Variants in CSMD3 observed in about 807,000 individuals in gnomAD.
The protein encoded by CSMD3 is CUB and sushi domain-containing protein 3.
A neutral mutation model predicts 435.2 loss-of-function variants in CSMD3; 177 were observed. The ratio of observed to expected loss-of-function variants is 0.41; its 90% CI spans 0.36 to 0.46. The LOEUF (loss-of-function observed/expected upper bound fraction) is 0.46, where lower values mean the gene tolerates loss of function less well. Among genes scored for constraint, CSMD3 ranks in the 20% least tolerant of loss-of-function variants. The probability of loss-of-function intolerance (pLI) is 0.34; values close to 1 mark genes in which losing one functional copy is unlikely to be tolerated. For missense variants in CSMD3, 4,265 were observed against 4,504.6 expected (o/e 0.95, Z 1.52); for synonymous variants, 1,656 against 1,520.5 (o/e 1.09, Z -2.07).
chr8:112,466,006 T>C (rs2130711691), intron 32 of CSMD3, among the ~76,000 whole-genome samples: 1 of 151,922 alleles, frequency 6.6e-6, no homozygotes, highest in Non-Finnish European at 1.5e-5. Context: ...CCTGTTCTTT[T>C]CGATTGCTCC....
chr8:112,627,933 A>C (rs535835969), intron 22 of CSMD3, among the ~76,000 whole-genome samples: 2 of 152,318 alleles, frequency 1.3e-5, no homozygotes, highest in Admixed American at 6.5e-5. Context: ...TACAGGTATC[A>C]AGTAAAATCA....
At chr8:112,753,121 A>T (rs2077613243) in intron 13 of CSMD3, among the ~76,000 whole-genome samples, 2 of 152,132 alleles carry the variant, frequency 1.3e-5, no homozygotes, top group Non-Finnish European at 2.9e-5. Flanking sequence ...TATTTATTTA[A>T]TTAACATATA....
chr8:112,557,374 T>C (rs1828214851), intron 24 of CSMD3, among the ~76,000 whole-genome samples: 1 of 151,966 alleles, frequency 6.6e-6, no homozygotes, highest in African/African-American at 2.4e-5. Flanking sequence ...CAGTTTTTGT[T>C]ACTTATCATA....
At chr8:112,887,434 A>G (rs1380141) in intron 10 of CSMD3, among the ~76,000 whole-genome samples, 118,251 of 150,918 alleles carry the variant, frequency 0.78, 46,896 homozygotes, top group East Asian at 0.93. Flanking sequence ...TATCTGCAAC[A>G]CGAATATATA....
At chr8:113,341,471 A>G (rs1022666427) in intron 1 of CSMD3, among the ~76,000 whole-genome samples, 4 of 152,190 alleles carry the variant, frequency 2.6e-5, no homozygotes, top group Admixed American at 6.5e-5. Context: ...CATGAGCTAG[A>G]TGCCACACAC....
Position 113,094,903 on chromosome 8 carries a change from C to T in CSMD3, c.917+3853G>A, listed in dbSNP as rs191032548. On this transcript the variant is annotated intron_variant, in intron 5 of 70. Transcript: ENST00000297405. ...TGGCTAACACAGTGAAACCCCGTCT[C>T]TACTAAAAATACAAAAAATTAGCCA... Among the ~76,000 whole-genome samples the T allele has an allele frequency of 8.2e-4, 124 of 152,044 alleles. 2 individuals are homozygous for T. In the East Asian group the frequency reaches 8.6e-3, roughly 11 times the overall value.
intron 24 of CSMD3, among the ~76,000 whole-genome samples, chr8:112,557,704 G>A (rs1194191638): frequency 6.6e-6 from 1 of 151,844 alleles, no homozygotes; most frequent in Non-Finnish European, 1.5e-5. Flanking sequence ...CCACTCCATG[G>A]GGACAGAAGC....
intron 1 of CSMD3, among the ~76,000 whole-genome samples, chr8:113,418,021 C>A (rs1033842694): frequency 3.3e-5 from 5 of 151,926 alleles, no homozygotes; most frequent in Admixed American, 2.0e-4. Context: ...TATTGTAAAT[C>A]CATCTAATTT....
Position 112,728,658 on chromosome 8 carries a change from T to C in CSMD3, c.1973-38608A>G, listed in dbSNP as rs550349920. On this transcript the variant is annotated intron_variant, in intron 13 of 70. Transcript: ENST00000297405. ...TTTGCCATGATACAAGCCCCCATTC[T>C]TTCTGTAACTTCAAGAAGGAATATG... Among the ~76,000 whole-genome samples the C allele has an allele frequency of 1.8e-4, 27 of 152,146 alleles. No individual in the cohort carries two copies. The South Asian group carries it at 4.6e-3, about 26-fold the overall frequency.
intron 10 of CSMD3, among the ~76,000 whole-genome samples, chr8:112,866,233 C>T (rs2080978211): frequency 6.6e-6 from 1 of 152,102 alleles, no homozygotes; most frequent in Non-Finnish European, 1.5e-5. Context: ...CTTCAACTAT[C>T]CCTGCATCTT....
chr8:113,278,540 T>G (rs573724144), intron 3 of CSMD3, 52 bp downstream of exon 3: 1 of 845,532 alleles, frequency 1.2e-6, no homozygotes, highest in Non-Finnish European at 2.1e-6. Context: ...CTTGAAAAAT[T>G]TTGTTAGATT....
chr8:113,188,943 T>C (rs990517712), intron 3 of CSMD3, among the ~76,000 whole-genome samples: 6 of 151,856 alleles, frequency 4.0e-5, no homozygotes, highest in Non-Finnish European at 8.8e-5. Context: ...CTTTATTTAA[T>C]GGTCACTGGT....
At chr8:113,211,775 A>G (rs180919222) in intron 3 of CSMD3, among the ~76,000 whole-genome samples, 60 of 152,328 alleles carry the variant, frequency 3.9e-4, no homozygotes, top group African/African-American at 1.3e-3. Context: ...TCCCAAAGTC[A>G]GCTCTGAATA....
chr8:112,795,017 T>G (rs1262390458), intron 13 of CSMD3, among the ~76,000 whole-genome samples: 1 of 152,166 alleles, frequency 6.6e-6, no homozygotes, highest in Non-Finnish European at 1.5e-5. Context: ...ATATTTACTT[T>G]TAAGTAAAAA....
chr8:112,263,440 C>G (rs895212741), intron 61 of CSMD3, among the ~76,000 whole-genome samples, 199 bp downstream of exon 61: 1 of 152,042 alleles, frequency 6.6e-6, no homozygotes, highest in Non-Finnish European at 1.5e-5. Flanking sequence ...AGTTTATAAA[C>G]TAAAACCGTT....
At chr8:113,143,822 T>A (rs1053274209) in intron 4 of CSMD3, among the ~76,000 whole-genome samples, 4 of 151,354 alleles carry the variant, frequency 2.6e-5, no homozygotes, top group African/African-American at 7.3e-5. Context: ...AGTTTGGCTA[T>A]AAAAGGGCAA....
At chr8:112,227,390 C>G (rs1586449443) in intron 70 of CSMD3, among the ~76,000 whole-genome samples, 1 of 152,142 alleles carries the variant, frequency 6.6e-6, no homozygotes, top group African/African-American at 2.4e-5. Flanking sequence ...TTACCTGCAG[C>G]TGGATGAGGG....
At chr8:112,930,168 C>T (rs940603185) in intron 9 of CSMD3, among the ~76,000 whole-genome samples, 6 of 152,056 alleles carry the variant, frequency 3.9e-5, no homozygotes, top group Admixed American at 2.0e-4. Context: ...TCATACAATA[C>T]GCCTCTTTAA....
chr8:112,234,605 G>T, intron 67 of CSMD3, 128 bp from the exon 68 acceptor site: 1 of 671,878 alleles, frequency 1.5e-6, no homozygotes, highest in South Asian at 1.7e-5. Context: ...ACAAGGGCAA[G>T]TCAAGGATGG....
Sources: gnomAD v4.1 joint callset for allele counts (sites outside exome capture counted in the v4.1 genomes callset) on GRCh38, gnomAD v4.1.1 for gene constraint, MANE v1.5 for transcripts, NCBI Gene and HGNC (gene_info 2026-07-23, HGNC 2026-07-21) for gene names.